PIK3AP1: variants seen among roughly 807,000 people sequenced by gnomAD.
PIK3AP1 encodes phosphoinositide-3-kinase adaptor protein 1, also known as phosphoinositide 3-kinase adapter protein 1.
Under a neutral mutation model 88.1 loss-of-function variants are expected in PIK3AP1, and 21 were observed. The observed-to-expected ratio is 0.24, with a 90% CI of 0.17 to 0.34. The LOEUF is 0.34. Ranked by LOEUF, PIK3AP1 falls within the 10% of genes least tolerant of loss-of-function variation. PIK3AP1 has a pLI of 1.00. For synonymous variants in PIK3AP1, 398 were observed against 400.0 expected (o/e 1.00, Z 0.06); for missense variants, 828 against 1,035.7 (o/e 0.80, Z 2.75).
intron 8 of PIK3AP1, among the ~76,000 whole-genome samples, chr10:96,630,043 A>ATAAGTAAT (rs1236074562): frequency 6.6e-6 from 1 of 152,052 alleles, no homozygotes; most frequent in Non-Finnish European, 1.5e-5. Context: ...AAAGATGGGG[A>ATAAGTAAT]TAAGTAATAC....
At chr10:96,629,168 A>C (rs2134210152) in intron 8 of PIK3AP1, among the ~76,000 whole-genome samples, 1 of 152,078 alleles carries the variant, frequency 6.6e-6, no homozygotes, top group Middle Eastern at 3.4e-3. Flanking sequence ...CTTTTCAAAA[A>C]CATAATGTTG....
chr10:96,642,335 A>C (rs1288374748), intron 8 of PIK3AP1, among the ~76,000 whole-genome samples: 1 of 149,348 alleles, frequency 6.7e-6, no homozygotes, highest in African/African-American at 2.5e-5. Flanking sequence ...CTTAGGTAGG[A>C]GGATGGCTTG....
chr10:96,714,527 T>A lies in PIK3AP1; in HGVS notation c.14-4544A>T, dbSNP rs148294921. 1.2e-3 allele frequency among the ~76,000 whole-genome samples: 185 copies of A among 152,304 alleles called. 3 individuals are homozygous for A. The highest frequency in any genetic ancestry group is 3.4e-3 in the Middle Eastern group (1 of 294). On this transcript the variant is annotated intron_variant, in intron 1 of 16. Coordinates refer to ENST00000339364, the MANE Select transcript of PIK3AP1 (RefSeq NM_152309.3). ...TAGAAAATACAGTTAATAAAATACA[T>A]CTAGTGCCATGGGTTTCTCATACCA...
intron 4 of PIK3AP1, among the ~76,000 whole-genome samples, chr10:96,652,476 G>C (rs1843552408): frequency 6.6e-6 from 1 of 152,118 alleles, no homozygotes; most frequent in Non-Finnish European, 1.5e-5. Context: ...GGGAGGCTGA[G>C]GCAGGAGAAT....
chr10:96,632,911 G>A, intron 8 of PIK3AP1: 4 of 1,612,578 alleles, frequency 2.5e-6, no homozygotes, highest in Non-Finnish European at 3.4e-6. Flanking sequence ...GACATGCTTG[G>A]CACCAGTCCA....
At chr10:96,652,876 C>A in intron 3 of PIK3AP1, 34 bp from the exon 4 acceptor site, 1 of 1,604,916 alleles carries the variant, frequency 6.2e-7, no homozygotes, top group Non-Finnish European at 8.5e-7. Flanking sequence ...TCCCCTCTCC[C>A]TCTCAGATCC....
chr10:96,674,108 G>C (rs1843885096), intron 2 of PIK3AP1, among the ~76,000 whole-genome samples: 1 of 152,174 alleles, frequency 6.6e-6, no homozygotes, highest in South Asian at 2.1e-4. Context: ...TATGAAACAA[G>C]ATGGCATTCC....
At chr10:96,639,838 TC>T (rs1843360546) in intron 8 of PIK3AP1, among the ~76,000 whole-genome samples, 1 of 152,202 alleles carries the variant, frequency 6.6e-6, no homozygotes, top group African/African-American at 2.4e-5. Flanking sequence ...ACAGTATGTT[TC>T]ATAAGCAAAC....
chr10:96,652,664 C>G (rs748143316), intron 4 of PIK3AP1, 34 bp downstream of exon 4: 4 of 1,608,838 alleles, frequency 2.5e-6, no homozygotes, highest in Non-Finnish European at 3.4e-6. Flanking sequence ...AGCAATGAAG[C>G]CCTATGTCAT....
At chr10:96,691,586 C>A (rs777315355) in intron 2 of PIK3AP1, among the ~76,000 whole-genome samples, 1 of 152,190 alleles carries the variant, frequency 6.6e-6, no homozygotes, top group Non-Finnish European at 1.5e-5. Context: ...GGACTGGGGC[C>A]AGTGTTCCAG....
chr10:96,613,716 C>T (rs960954518), intron 13 of PIK3AP1, among the ~76,000 whole-genome samples: 1 of 152,062 alleles, frequency 6.6e-6, no homozygotes, highest in Non-Finnish European at 1.5e-5. Flanking sequence ...CTTGGGTGAA[C>T]CTTGCATAAT....
intron 16 of PIK3AP1, among the ~76,000 whole-genome samples, chr10:96,596,461 T>G (rs966599830): frequency 6.6e-6 from 1 of 152,224 alleles, no homozygotes; most frequent in African/African-American, 2.4e-5. Context: ...TCTCCTGAGC[T>G]GTTGACTTTG....
intron 2 of PIK3AP1, among the ~76,000 whole-genome samples, chr10:96,700,554 A>C (rs1399869459): frequency 1.3e-5 from 2 of 152,216 alleles, no homozygotes; most frequent in Non-Finnish European, 2.9e-5. Flanking sequence ...TCCCCAAATC[A>C]AAAAGATCAT....
intron 16 of PIK3AP1, among the ~76,000 whole-genome samples, chr10:96,598,652 G>C (rs1848827148): frequency 6.6e-6 from 1 of 152,218 alleles, no homozygotes; most frequent in African/African-American, 2.4e-5. Flanking sequence ...TGTATTATTA[G>C]AGTATAGAAT....
intron 2 of PIK3AP1, among the ~76,000 whole-genome samples, chr10:96,675,643 G>A (rs1843908100): frequency 1.3e-5 from 2 of 152,118 alleles, no homozygotes; most frequent in Admixed American, 1.3e-4. Flanking sequence ...GCTATTACTG[G>A]ATGGCTATCT....
Position 96,616,697 on chromosome 10 carries a change from C to T in PIK3AP1, c.1956G>A (p.Arg652=). The stretch of plus-strand genomic sequence containing the variant: ...GTCTTCGGGTGATGCTGTCTCTTAG[C>T]CGTTTAAGATTTTCCTGGAAAAAAA... ...SFRFQQENLK[R]LRDSITRRQR... The change falls in exon 13 of 17, where the codon CGG becomes CGA. Residue 652 remains arginine, a synonymous_variant. Coordinates refer to ENST00000339364, the MANE Select transcript of PIK3AP1 (RefSeq NM_152309.3). The T allele has an allele frequency of 6.2e-7, 1 of 1,614,138 alleles. No homozygotes were observed. The highest frequency in any genetic ancestry group is 8.5e-7 in the Non-Finnish European group (1 of 1,180,032).
At chr10:96,606,207 C>T (rs975267407) in intron 14 of PIK3AP1, among the ~76,000 whole-genome samples, 1 of 152,182 alleles carries the variant, frequency 6.6e-6, no homozygotes, top group Non-Finnish European at 1.5e-5. Flanking sequence ...CACTCCTGTC[C>T]ACAAGTCTAA....
Position 96,661,164 on chromosome 10 carries a change from G to C in PIK3AP1, c.431-4230C>G, listed in dbSNP as rs117997472. ...AGATTGCGCCACTGCACTTCAGCCT[G>C]GGAAACGAGCAAAACTCCATCTAAA... is the stretch of plus-strand genomic sequence containing the variant. On this transcript the variant is annotated intron_variant, in intron 2 of 16. Coordinates refer to ENST00000339364, the MANE Select transcript of PIK3AP1 (RefSeq NM_152309.3). Among the ~76,000 whole-genome samples, 1,510 of 152,048 alleles carry C rather than the reference G, an allele frequency of 9.9e-3. 16 individuals carry two copies. The highest frequency in any genetic ancestry group is 0.016 in the Non-Finnish European group (1,072 of 67,990).
intron 3 of PIK3AP1, among the ~76,000 whole-genome samples, chr10:96,654,457 G>C (rs1261400187): frequency 6.6e-6 from 1 of 152,180 alleles, no homozygotes; most frequent in East Asian, 1.9e-4. Context: ...CGTGATGTGG[G>C]GGGTGATCCT....
Sources: allele counts gnomAD v4.1 joint callset (sites outside exome capture counted in the v4.1 genomes callset), GRCh38; gene constraint gnomAD v4.1.1; transcripts MANE v1.5; gene names NCBI Gene and HGNC (gene_info 2026-07-23, HGNC 2026-07-21).